CSGALNACT1: variants seen among roughly 807,000 people sequenced by gnomAD.
CSGALNACT1 encodes the protein chondroitin sulfate N-acetylgalactosaminyltransferase 1.
A neutral mutation model predicts 51.0 loss-of-function variants in CSGALNACT1; 52 were observed. The ratio of observed to expected loss-of-function variants is 1.02; its 90% CI spans 0.82 to 1.29. The LOEUF is 1.29. CSGALNACT1 is among the 50% of genes most tolerant of loss of function. CSGALNACT1 has a pLI of 0.00. For missense variants in CSGALNACT1, 935 were observed against 679.2 expected (o/e 1.38, Z -4.19); for synonymous variants, 341 against 254.4 (o/e 1.34, Z -3.24).
chr8:19,502,027 T>C (rs899566943), intron 4 of CSGALNACT1, among the ~76,000 whole-genome samples: 3 of 152,214 alleles, frequency 2.0e-5, no homozygotes, highest in Non-Finnish European at 4.4e-5. Context: ...TAGATAATAA[T>C]GAAATCAATA....
At chr8:19,716,695 G>C (rs967611978) in intron 1 of CSGALNACT1, among the ~76,000 whole-genome samples, 2 of 150,696 alleles carry the variant, frequency 1.3e-5, no homozygotes, top group African/African-American at 4.9e-5. Flanking sequence ...AGGAGACTGA[G>C]GCATGAGAAT....
At chr8:19,407,712 C>T (rs563331131) in intron 9 of CSGALNACT1, among the ~76,000 whole-genome samples, 5 of 151,896 alleles carry the variant, frequency 3.3e-5, no homozygotes, top group South Asian at 4.2e-4. Flanking sequence ...AAACCACAGG[C>T]GTGCGCATGT....
chr8:19,463,791 T>C (rs530384319), intron 4 of CSGALNACT1, among the ~76,000 whole-genome samples: 1 of 152,298 alleles, frequency 6.6e-6, no homozygotes, highest in South Asian at 2.1e-4. Flanking sequence ...GTGTAATTAC[T>C]CCTTGTGCAA....
intron 8 of CSGALNACT1, among the ~76,000 whole-genome samples, chr8:19,412,587 T>C (rs565182897): frequency 1.3e-4 from 20 of 152,352 alleles, no homozygotes; most frequent in African/African-American, 4.6e-4. Flanking sequence ...CTGGTCTACC[T>C]TGCATTCACA....
chr8:19,568,723 A>G (rs979882596), intron 3 of CSGALNACT1, among the ~76,000 whole-genome samples: 1 of 152,222 alleles, frequency 6.6e-6, no homozygotes, highest in Non-Finnish European at 1.5e-5. Flanking sequence ...GTCCAAACCA[A>G]CAGATATATG....
intron 1 of CSGALNACT1, among the ~76,000 whole-genome samples, chr8:19,744,811 C>G (rs1056718795): frequency 6.6e-6 from 1 of 152,196 alleles, no homozygotes; most frequent in Admixed American, 6.5e-5. Context: ...TACATTTACT[C>G]TTTCCATACA....
intron 1 of CSGALNACT1, among the ~76,000 whole-genome samples, chr8:19,671,612 A>G (rs2059800137): frequency 6.6e-6 from 1 of 152,184 alleles, no homozygotes; most frequent in Admixed American, 6.5e-5. Flanking sequence ...CCCTCCCGCA[A>G]CTTATATTCT....
chr8:19,704,489 G>A (rs1255981280), intron 1 of CSGALNACT1, among the ~76,000 whole-genome samples: 2 of 152,138 alleles, frequency 1.3e-5, no homozygotes, highest in African/African-American at 2.4e-5. Context: ...GTGTAAATTG[G>A]TATAGCCATT....
intron 1 of CSGALNACT1, among the ~76,000 whole-genome samples, chr8:19,642,455 T>C (rs746021847): frequency 2.6e-4 from 40 of 152,140 alleles, no homozygotes; most frequent in South Asian, 8.3e-4. Flanking sequence ...AAGACATTAA[T>C]ACATGATGAA....
intron 8 of CSGALNACT1, among the ~76,000 whole-genome samples, chr8:19,414,322 G>C (rs1441429912): frequency 6.6e-6 from 1 of 151,372 alleles, no homozygotes; most frequent in Non-Finnish European, 1.5e-5. Context: ...GGAGGCTTAA[G>C]ATAGAAGTGG....
At chr8:19,704,426 A>G (rs1407647054) in intron 1 of CSGALNACT1, among the ~76,000 whole-genome samples, 1 of 152,214 alleles carries the variant, frequency 6.6e-6, no homozygotes, top group Non-Finnish European at 1.5e-5. Flanking sequence ...CAAAAATATC[A>G]AGTGTTGTCG....
At chr8:19,535,280 G>C (rs2083521988) in intron 3 of CSGALNACT1, among the ~76,000 whole-genome samples, 2 of 152,086 alleles carry the variant, frequency 1.3e-5, no homozygotes, top group African/African-American at 4.8e-5. Context: ...ATTTCAGCGT[G>C]TTCTTCTAGC....
intron 4 of CSGALNACT1, among the ~76,000 whole-genome samples, chr8:19,482,487 T>C (rs570267028): frequency 1.3e-5 from 2 of 152,126 alleles, no homozygotes; most frequent in Admixed American, 1.3e-4. Flanking sequence ...CTACATCCAA[T>C]AGATCCTGTA....
intron 3 of CSGALNACT1, among the ~76,000 whole-genome samples, chr8:19,512,532 C>G (rs1167969932): frequency 1.3e-5 from 2 of 152,216 alleles, no homozygotes; most frequent in African/African-American, 2.4e-5. Context: ...AAAATGCTAT[C>G]TCTCAACCAT....
chr8:19,499,596 T>C (rs1451882979), intron 4 of CSGALNACT1, among the ~76,000 whole-genome samples: 1 of 152,206 alleles, frequency 6.6e-6, no homozygotes, highest in African/African-American at 2.4e-5. Context: ...AACAAAATGC[T>C]CTGTGCAGAG....
chr8:19,479,726 C>A (rs112478735), intron 4 of CSGALNACT1, among the ~76,000 whole-genome samples: 120 of 129,122 alleles, frequency 9.3e-4, no homozygotes, highest in African/African-American at 3.3e-3. Context: ...TGTGATTTAA[C>A]AAGAGCCTGA....
chr8:19,543,511 A>G (rs936902566), intron 3 of CSGALNACT1, among the ~76,000 whole-genome samples: 1 of 152,158 alleles, frequency 6.6e-6, no homozygotes, highest in African/African-American at 2.4e-5. Context: ...TTTCTTTCTG[A>G]GAGCCTGGTA....
chr8:19,417,086 C>T (rs1403782991), intron 8 of CSGALNACT1, among the ~76,000 whole-genome samples: 2 of 152,026 alleles, frequency 1.3e-5, no homozygotes, highest in East Asian at 1.9e-4. Flanking sequence ...AACTCCTGGC[C>T]TCAAGTGATC....
At chr8:19,738,026 G>A (rs2064091180) in intron 1 of CSGALNACT1, among the ~76,000 whole-genome samples, 2 of 152,304 alleles carry the variant, frequency 1.3e-5, no homozygotes, top group African/African-American at 4.8e-5. Flanking sequence ...ACTTAAAAAT[G>A]GTTAAGATGA....
Sources: gnomAD v4.1 joint callset for allele counts (sites outside exome capture counted in the v4.1 genomes callset) on GRCh38, gnomAD v4.1.1 for gene constraint, MANE v1.5 for transcripts, NCBI Gene and HGNC (gene_info 2026-07-23, HGNC 2026-07-21) for gene names.